Variants in L2HGDH observed in about 807,000 individuals in gnomAD.
L2HGDH encodes the protein L-2-hydroxyglutarate dehydrogenase, also known as L-2-hydroxyglutarate dehydrogenase, mitochondrial.
A neutral mutation model predicts 51.5 loss-of-function variants in L2HGDH; 34 were observed. The ratio of observed to expected loss-of-function variants is 0.66; its 90% CI spans 0.50 to 0.88. The LOEUF is 0.88. L2HGDH is among the 40% of genes least tolerant of loss of function. L2HGDH has a pLI of 0.00. For missense variants in L2HGDH, 558 were observed against 571.9 expected (o/e 0.98, Z 0.25); for synonymous variants, 198 against 197.9 (o/e 1.00, Z -0.01).
Position 50,245,279 on chromosome 14 carries a change from A to G in L2HGDH, c.*1779T>C, listed in dbSNP as rs1361434930. ...AAGATCAGAGATATAATAGATAAATAACTTTTTTAAATTGGAGTTCTATAC... is the reference window on the plus strand; with the variant it reads ...AAGATCAGAGATATAATAGATAAATGACTTTTTTAAATTGGAGTTCTATAC... On this transcript the variant is annotated 3_prime_UTR_variant, in exon 10 of 10. Coordinates refer to ENST00000267436, the MANE Select transcript of L2HGDH (RefSeq NM_024884.3). The G allele has an allele frequency of 3.0e-6, 3 of 984,872 alleles. No homozygotes were observed. The highest frequency in any genetic ancestry group is 1.1e-4 in the East Asian group (1 of 8,832). The allele number at this position is 984,872 out of a possible 1,614,324, so 61.0% of individuals were successfully genotyped here.
intron 4 of L2HGDH, among the ~76,000 whole-genome samples, chr14:50,285,793 G>A (rs1349216866): frequency 2.0e-5 from 3 of 152,192 alleles, no homozygotes; most frequent in East Asian, 1.9e-4. Flanking sequence ...TTTGAGGGCT[G>A]TGTTTAAACA....
chr14:50,248,001 C>T (rs1025211332), intron 9 of L2HGDH, among the ~76,000 whole-genome samples: 20 of 151,858 alleles, frequency 1.3e-4, no homozygotes, highest in Non-Finnish European at 2.9e-5. Flanking sequence ...GGTTTCCCTA[C>T]GTTGCCCAGG....
intron 9 of L2HGDH, among the ~76,000 whole-genome samples, chr14:50,249,236 G>A (rs756689524): frequency 1.3e-5 from 2 of 152,148 alleles, no homozygotes; most frequent in African/African-American, 2.4e-5. Context: ...TACAGTCTAG[G>A]GCACAAGGAC....
chr14:50,263,357 A>G (rs1383256140), intron 9 of L2HGDH, among the ~76,000 whole-genome samples: 1 of 152,238 alleles, frequency 6.6e-6, no homozygotes, highest in African/African-American at 2.4e-5. Context: ...TGAGTAGAGG[A>G]GTGAAAGAGA....
Position 50,290,759 on chromosome 14 carries a change from G to A in L2HGDH, c.540+3356C>T, listed in dbSNP as rs372194683. Among the ~76,000 whole-genome samples the A allele has an allele frequency of 3.4e-3, 519 of 152,082 alleles. 3 individuals carry two copies. Among genetic ancestry groups the A allele is most frequent in the African/African-American group, 0.011 (468 of 41,488 alleles). On this transcript the variant is annotated intron_variant, in intron 4 of 9. Coordinates refer to ENST00000267436, the MANE Select transcript of L2HGDH (RefSeq NM_024884.3). ...ACTCACTGCAACCTCCGCCTCCCGG[G>A]TTCAAGCAATTCTCCTGCCTCAGCC...
intron 5 of L2HGDH, among the ~76,000 whole-genome samples, chr14:50,282,838 C>T (rs1464876320): frequency 3.3e-5 from 5 of 151,648 alleles, no homozygotes; most frequent in East Asian, 3.9e-4. Context: ...TCCAGGAGTT[C>T]GAGAGCAGCA....
At chr14:50,290,783 C>T (rs1258687013) in intron 4 of L2HGDH, among the ~76,000 whole-genome samples, 1 of 152,062 alleles carries the variant, frequency 6.6e-6, no homozygotes, top group Admixed American at 6.6e-5. Flanking sequence ...CCTGCCTCAG[C>T]CTCCCAAGTG....
intron 4 of L2HGDH, among the ~76,000 whole-genome samples, chr14:50,285,431 A>G (rs1890515987): frequency 1.3e-5 from 2 of 152,252 alleles, no homozygotes; most frequent in South Asian, 4.1e-4. Context: ...TTTGCCAAGC[A>G]TAGGAAATCA....
At chr14:50,293,348 G>T in intron 4 of L2HGDH, 1 of 688,764 alleles carries the variant, frequency 1.5e-6, no homozygotes, top group Non-Finnish European at 2.6e-6. Context: ...AATTCCAAAT[G>T]GACTGTAGAT....
In L2HGDH at chr14:50,310,564, C is replaced by A. The variant is rs1302016482; in HGVS notation, c.140+1447G>T. 2.0e-5 allele frequency among the ~76,000 whole-genome samples: 3 copies of A among 151,836 alleles called. 1 individual carries two copies. Among genetic ancestry groups the A allele is most frequent in the Non-Finnish European group, 4.4e-5 (3 of 67,974 alleles). On this transcript the variant is annotated intron_variant, in intron 1 of 9. Coordinates refer to ENST00000267436, the MANE Select transcript of L2HGDH (RefSeq NM_024884.3). ...AGGAAAATAATTAGCTGCCTGTGGT[C>A]CCAGCTCCTGGAGGACAGGAAGCAT...
chr14:50,282,340 C>T (rs1890320828), intron 5 of L2HGDH: 1 of 408,768 alleles, frequency 2.4e-6, no homozygotes, highest in Non-Finnish European at 4.9e-6. Context: ...TGGTGTCCTA[C>T]TTTCCTAGTC....
Position 50,242,946 on chromosome 14 carries a change from T to A in L2HGDH, c.*4112A>T. The A allele has an allele frequency of 1.0e-6, 1 of 985,438 alleles. No homozygotes were observed. The allele number at this position is 985,438 out of a possible 1,614,324, so 61.0% of individuals were successfully genotyped here. A position where few individuals can be genotyped will look rare whatever the true frequency, so the allele number is the denominator to read the frequency against. ...CAGGGATAGCTCATAGGTACAGCCA[T>A]CAGGGTTGGATTGCCTCCAAAAGTA... On this transcript the variant is annotated 3_prime_UTR_variant, in exon 10 of 10. Coordinates refer to ENST00000267436, the MANE Select transcript of L2HGDH (RefSeq NM_024884.3).
At chr14:50,249,439 G>A (rs533467535) in intron 9 of L2HGDH, among the ~76,000 whole-genome samples, 13 of 152,280 alleles carry the variant, frequency 8.5e-5, no homozygotes, top group East Asian at 5.8e-4. Context: ...AAAGAGGACC[G>A]TCTTACATCT....
At chr14:50,286,408 T>G (rs769571919) in intron 4 of L2HGDH, among the ~76,000 whole-genome samples, 14 of 152,118 alleles carry the variant, frequency 9.2e-5, no homozygotes, top group Non-Finnish European at 1.2e-4. Context: ...AGAGGCAGTT[T>G]AAAATTTTCC....
At position 50,245,038 on chromosome 14, in the gene L2HGDH, T is replaced by A; in HGVS notation, c.*2020A>T. On this transcript the variant is annotated 3_prime_UTR_variant, in exon 10 of 10. Transcript: ENST00000267436. ...TTCGATAGATACCACAAAACACATATATACAGGATATACCACAGCACTGGG... is the reference window on the plus strand; with the variant it reads ...TTCGATAGATACCACAAAACACATAAATACAGGATATACCACAGCACTGGG... The A allele has an allele frequency of 1.0e-6, 1 of 985,800 alleles. No individual in the cohort carries two copies. Among genetic ancestry groups the A allele is most frequent in the Non-Finnish European group, 1.2e-6 (1 of 829,910 alleles). The allele number at this position is 985,800 out of a possible 1,614,324, so 61.1% of individuals were successfully genotyped here. A position where few individuals can be genotyped will look rare whatever the true frequency, so the allele number is the denominator to read the frequency against.
chr14:50,259,987 GA>G (rs1566507255), intron 9 of L2HGDH, among the ~76,000 whole-genome samples: 1 of 70,144 alleles, frequency 1.4e-5, no homozygotes, highest in Non-Finnish European at 2.5e-5. Flanking sequence ...GAAGAAGACA[GA>G]GAGAGAGAGA....
Position 50,243,434 on chromosome 14 carries a change from A to T in L2HGDH, c.*3624T>A, listed in dbSNP as rs1404291897. On this transcript the variant is annotated 3_prime_UTR_variant, in exon 10 of 10. Coordinates refer to ENST00000267436, the MANE Select transcript of L2HGDH (RefSeq NM_024884.3). ...TTTACACATAAAAAAATTTATTTGC[A>T]TAAAAGTTTTTATGGAACTAAAAAA... 2 of 944,932 alleles carry T rather than the reference A, an allele frequency of 2.1e-6. No individual in the cohort carries two copies. The highest frequency in any genetic ancestry group is 1.8e-5 in the African/African-American group (1 of 56,370). The allele number at this position is 944,932 out of a possible 1,614,324, so 58.5% of individuals were successfully genotyped here.
intron 6 of L2HGDH, among the ~76,000 whole-genome samples, chr14:50,273,287 G>A (rs552021752): frequency 2.0e-5 from 3 of 152,324 alleles, no homozygotes; most frequent in African/African-American, 7.2e-5. Flanking sequence ...CCCTGTGGAT[G>A]TTAGTTAGCC....
rs1272080274 is a variant in L2HGDH, at chr14:50,312,066, AC to A, written c.84del (p.Phe29SerfsTer23). ...LFAGGSPGAC[G>X]FASGRPRPLC... ...AGCGGTCTTGGCCTCCCAGACGCGA[AC>A]CCGCACGCCCCAGGGGAGCCACCGG... On this transcript the variant is annotated frameshift_variant, in exon 1 of 10. Coordinates refer to ENST00000267436, the MANE Select transcript of L2HGDH (RefSeq NM_024884.3). LOFTEE classifies it high-confidence loss of function. 1.3e-6 allele frequency: 2 copies of A among 1,598,230 alleles called. No individual in the cohort carries two copies. The highest frequency in any genetic ancestry group is 2.7e-5 in the African/African-American group (2 of 74,698).
Sources: gnomAD v4.1 joint callset for allele counts (sites outside exome capture counted in the v4.1 genomes callset) on GRCh38, gnomAD v4.1.1 for gene constraint, MANE v1.5 for transcripts, NCBI Gene and HGNC (gene_info 2026-07-23, HGNC 2026-07-21) for gene names.